Variants in RCBTB1 observed in about 807,000 individuals in gnomAD.
RCBTB1 encodes RCC1 and BTB domain-containing protein 1.
In RCBTB1, 46 loss-of-function variants were observed where a neutral mutation model predicts 62.4. The ratio of observed to expected loss-of-function variants is 0.74; its 90% CI spans 0.58 to 0.94. The LOEUF is 0.94. Among genes scored for constraint, RCBTB1 ranks in the 40% least tolerant of loss-of-function variants. The pLI is 0.00. For missense variants in RCBTB1, 565 were observed against 654.9 expected (o/e 0.86, Z 1.50); for synonymous variants, 222 against 245.8 (o/e 0.90, Z 0.91).
chr13:49,540,725 G>A (rs1960276956), intron 12 of RCBTB1, 151 bp downstream of exon 12: 1 of 755,258 alleles, frequency 1.3e-6, no homozygotes, highest in Non-Finnish European at 2.0e-6. Flanking sequence ...GAATTAAGAA[G>A]CAAGGGCAGA....
intron 6 of RCBTB1, among the ~76,000 whole-genome samples, chr13:49,553,018 C>T (rs1961513903): frequency 1.3e-5 from 2 of 152,096 alleles, no homozygotes; most frequent in African/African-American, 4.8e-5. Flanking sequence ...CCCATCTCTA[C>T]TAAAAATACA....
chr13:49,570,879 G>A (rs373324143), intron 2 of RCBTB1, among the ~76,000 whole-genome samples: 3 of 152,124 alleles, frequency 2.0e-5, no homozygotes, highest in African/African-American at 4.8e-5. Context: ...GTGAAATGAC[G>A]CCAAGGTCAC....
chr13:49,547,174 G>GA lies in RCBTB1; in HGVS notation c.1045+2283_1045+2284insT. 2.6e-5 allele frequency: 23 copies of GA among 893,098 alleles called. No homozygotes were observed. The Admixed American group carries it at 5.4e-4, about 21-fold the overall frequency. 55.3% of individuals were successfully genotyped at this position (893,098 alleles called of 1,614,324 possible). A position where few individuals can be genotyped will look rare whatever the true frequency, so the allele number is the denominator to read the frequency against. ...TTATTTTCCAATCACAATACTCACTGCAAAAAAAAAAAAATACTGTATTAT... is the reference window on the plus strand; with the variant it reads ...TTATTTTCCAATCACAATACTCACTGACAAAAAAAAAAAAATACTGTATTAT... On this transcript the variant is annotated intron_variant, in intron 9 of 12. Coordinates refer to ENST00000378302, the MANE Select transcript of RCBTB1 (RefSeq NM_018191.4).
intron 10 of RCBTB1, among the ~76,000 whole-genome samples, chr13:49,543,634 T>C (rs978743570): frequency 4.6e-5 from 7 of 152,246 alleles, no homozygotes; most frequent in Non-Finnish European, 7.3e-5. Context: ...ATGGCAACCT[T>C]TGTGGCAAAC....
chr13:49,553,195 G>C (rs1594286106), intron 6 of RCBTB1, among the ~76,000 whole-genome samples: 1 of 152,104 alleles, frequency 6.6e-6, no homozygotes, highest in Non-Finnish European at 1.5e-5. Flanking sequence ...GGAAAGGCAA[G>C]AGCTCAGAGG....
intron 2 of RCBTB1, among the ~76,000 whole-genome samples, chr13:49,579,422 G>A (rs922603400): frequency 3.8e-4 from 58 of 152,228 alleles, no homozygotes; most frequent in Admixed American, 7.2e-4. Flanking sequence ...AGGAGATCAA[G>A]ACCATCCTGG....
chr13:49,567,386 A>C (rs2137322098), intron 2 of RCBTB1, 66 bp from the exon 3 acceptor site: 1 of 1,210,804 alleles, frequency 8.3e-7, no homozygotes, highest in Middle Eastern at 2.2e-4. Context: ...CAAAAAAAAG[A>C]CCTGTTAATA....
rs111489218 is a variant in RCBTB1, at chr13:49,565,627, C to G, written c.277+991G>C. On this transcript the variant is annotated intron_variant, in intron 4 of 12. Transcript: ENST00000378302. ...ATGTGAGGAGCGCCTCTGCCCAGCC[C>G]CGACCCCGTCTGGGAGGTGAGGAGC... Among the ~76,000 whole-genome samples the G allele has an allele frequency of 3.5e-3, 236 of 66,702 alleles. 12 individuals are homozygous for G. The highest frequency in any genetic ancestry group is 0.011 in the African/African-American group (105 of 9,638). The allele number at this position is 66,702 out of a possible 152,430, so 43.8% of individuals were successfully genotyped here.
At chr13:49,557,006 A>G (rs1050877001) in intron 5 of RCBTB1, among the ~76,000 whole-genome samples, 1 of 152,182 alleles carries the variant, frequency 6.6e-6, no homozygotes, top group Admixed American at 6.5e-5. Context: ...TAACCAAGAA[A>G]TGGACTAGGA....
intron 7 of RCBTB1, 33 bp downstream of exon 7, chr13:49,552,145 G>A (rs1364671982): frequency 7.3e-7 from 1 of 1,360,662 alleles, no homozygotes; most frequent in Non-Finnish European, 1.0e-6. Context: ...AAGGTAGATG[G>A]GAAGCCACTA....
intron 5 of RCBTB1, 34 bp downstream of exon 5, chr13:49,559,878 GAAAAAA>G: frequency 8.1e-7 from 1 of 1,230,656 alleles, no homozygotes; most frequent in Non-Finnish European, 1.1e-6. Flanking sequence ...TTACTATGAT[GAAAAAA>G]AAAAAGAATA....
intron 4 of RCBTB1, among the ~76,000 whole-genome samples, chr13:49,561,041 A>C (rs2038881): frequency 6.6e-6 from 1 of 151,964 alleles, no homozygotes; most frequent in Non-Finnish European, 1.5e-5. Context: ...GATGAAGACA[A>C]CTTTTCTTGT....
At position 49,584,171 on chromosome 13, in the gene RCBTB1, C is replaced by A. The variant is rs567033769; in HGVS notation, c.-122+1273G>T. ...TTTTCAAATCATTTTTTAAAAGCTA[C>A]AAGCTTGACAGCTTTGGGTTTTTAT... On this transcript the variant is annotated intron_variant, in intron 1 of 12. Coordinates refer to ENST00000378302, the MANE Select transcript of RCBTB1 (RefSeq NM_018191.4). Among the ~76,000 whole-genome samples the A allele has an allele frequency of 2.6e-5, 4 of 152,338 alleles. No homozygotes were observed. The South Asian group carries it at 8.3e-4, about 32-fold the overall frequency.
chr13:49,557,070 C>T (rs7983030), intron 5 of RCBTB1, among the ~76,000 whole-genome samples: 37,228 of 151,974 alleles, frequency 0.24, 5,905 homozygotes, highest in African/African-American at 0.44. Context: ...CCAGCACATC[C>T]CAGTCATGAA....
intron 2 of RCBTB1, among the ~76,000 whole-genome samples, chr13:49,572,322 G>A (rs1288307724): frequency 6.8e-6 from 1 of 146,576 alleles, no homozygotes; most frequent in Admixed American, 6.9e-5. Flanking sequence ...GCGAGACTCT[G>A]TCTCAGAAAA....
At chr13:49,538,809 T>C (rs1032901790) in intron 12 of RCBTB1, among the ~76,000 whole-genome samples, 2 of 151,560 alleles carry the variant, frequency 1.3e-5, no homozygotes, top group Non-Finnish European at 1.5e-5. Flanking sequence ...GAGGTGAGTC[T>C]TTCTTTTTGT....
intron 9 of RCBTB1, among the ~76,000 whole-genome samples, chr13:49,545,261 T>A (rs1032093418): frequency 6.6e-6 from 1 of 152,110 alleles, no homozygotes; most frequent in Non-Finnish European, 1.5e-5. Context: ...TGCTTTGGGG[T>A]ACTTTCAAGG....
chr13:49,573,184 T>A (rs759617958), intron 2 of RCBTB1, among the ~76,000 whole-genome samples: 6 of 152,240 alleles, frequency 3.9e-5, no homozygotes, highest in Non-Finnish European at 7.3e-5. Context: ...TTAGCTATGT[T>A]ATAAAACAAT....
At chr13:49,577,103 T>C (rs1272338638) in intron 2 of RCBTB1, among the ~76,000 whole-genome samples, 1 of 152,230 alleles carries the variant, frequency 6.6e-6, no homozygotes, top group Non-Finnish European at 1.5e-5. Flanking sequence ...TCAGAGAACT[T>C]GTGGCATGAG....
Sources: allele counts gnomAD v4.1 joint callset (sites outside exome capture counted in the v4.1 genomes callset), GRCh38; gene constraint gnomAD v4.1.1; transcripts MANE v1.5; gene names NCBI Gene and HGNC (gene_info 2026-07-23, HGNC 2026-07-21).